PLXNA4: variants seen among roughly 807,000 people sequenced by gnomAD.
The protein encoded by PLXNA4 is plexin A4.
A neutral mutation model predicts 191.8 loss-of-function variants in PLXNA4; 44 were observed. That is an observed-to-expected ratio of 0.23 (90% CI 0.18 to 0.29). The LOEUF is 0.29. PLXNA4 is among the 10% of genes least tolerant of loss of function. The pLI is 1.00. For synonymous variants in PLXNA4, 1,082 were observed against 1,009.5 expected, an observed-to-expected ratio of 1.07 and a Z score of -1.36; for missense variants, 1,800 against 2,488.8, an observed-to-expected ratio of 0.72 and a Z score of 5.89.
chr7:132,423,511 G>C lies in PLXNA4; in HGVS notation c.1371+65781C>G, dbSNP rs1295747944. Among the ~76,000 whole-genome samples the C allele has an allele frequency of 5.3e-5, 8 of 152,220 alleles. No individual in the cohort carries two copies. The East Asian group carries it at 1.5e-3, about 29-fold the overall frequency. On this transcript the variant is annotated intron_variant, in intron 3 of 31. Transcript: ENST00000321063. ...GAGCAGGAAGTTGCAGAGAGCTGCA[G>C]AGATTTGGGGCCAGAATATCAGTCA...
intron 3 of PLXNA4, among the ~76,000 whole-genome samples, chr7:132,316,305 C>T (rs1200480095): frequency 6.6e-6 from 1 of 152,180 alleles, no homozygotes; most frequent in East Asian, 1.9e-4. Context: ...GGGAACAATA[C>T]ATTTCTTTGC....
chr7:132,470,218 G>A (rs1256346621), intron 3 of PLXNA4, among the ~76,000 whole-genome samples: 2 of 152,202 alleles, frequency 1.3e-5, no homozygotes. Flanking sequence ...AAGAGGGAGA[G>A]CTGACAGTTG....
At chr7:132,243,645 A>G (rs1410037221) in intron 4 of PLXNA4, among the ~76,000 whole-genome samples, 1 of 152,200 alleles carries the variant, frequency 6.6e-6, no homozygotes, top group Admixed American at 6.5e-5. Flanking sequence ...ATTCTGGCTT[A>G]ACATGGAGAT....
In PLXNA4 at chr7:132,455,585, C is replaced by T. The variant is rs551221323; in HGVS notation, c.1371+33707G>A. Among the ~76,000 whole-genome samples the T allele has an allele frequency of 5.9e-5, 9 of 152,304 alleles. No homozygotes were observed. In the East Asian group the frequency reaches 7.7e-4, roughly 13 times the overall value. On this transcript the variant is annotated intron_variant, in intron 3 of 31. Coordinates refer to ENST00000321063, the MANE Select transcript of PLXNA4 (RefSeq NM_020911.2). ...AGTCTTCCTGTCTGTTGGGAGCCCG[C>T]GCAGTATGTTTGCTGAGTGAAAATG...
At chr7:132,600,127 GTTTTC>G (rs1397290036) in intron 2 of PLXNA4, among the ~76,000 whole-genome samples, 2 of 152,098 alleles carry the variant, frequency 1.3e-5, no homozygotes, top group Non-Finnish European at 2.9e-5. Flanking sequence ...TATGCCTATA[GTTTTC>G]TTTTCTTACA....
In PLXNA4 at chr7:132,627,728, T is replaced by C. The variant is rs1803410054; in HGVS notation, c.-87+18200A>G. On this transcript the variant is annotated intron_variant, in intron 2 of 4. Coordinates refer to the PLXNA4 transcript ENST00000378539. Reference sequence around the variant, plus strand: ...GGCACAGTATTTGCTTCTTCCACCATATGAGGACTCAGCAAAAAGGCACCA... The same window carrying C: ...GGCACAGTATTTGCTTCTTCCACCACATGAGGACTCAGCAAAAAGGCACCA... Among the ~76,000 whole-genome samples, 4 of 152,322 alleles carry C rather than the reference T, an allele frequency of 2.6e-5. No individual in the cohort carries two copies. In the South Asian group the frequency reaches 8.3e-4, roughly 32 times the overall value.
In PLXNA4 at chr7:132,451,921, T is replaced by G. The variant is rs1796138269; in HGVS notation, c.1371+37371A>C. Among the ~76,000 whole-genome samples, 3 of 152,236 alleles carry G rather than the reference T, an allele frequency of 2.0e-5. No homozygotes were observed. The South Asian group carries it at 6.2e-4, about 32-fold the overall frequency. On this transcript the variant is annotated intron_variant, in intron 3 of 31. Coordinates refer to ENST00000321063, the MANE Select transcript of PLXNA4 (RefSeq NM_020911.2). ...ATCTTTCTTCAATCAATAAAACTTC[T>G]GCTCCCTTCAGTCTGTCTGGAAGCT...
intron 4 of PLXNA4, among the ~76,000 whole-genome samples, chr7:132,259,750 A>G (rs776704738): frequency 2.4e-4 from 37 of 152,214 alleles, no homozygotes; most frequent in Non-Finnish European, 4.6e-4. Flanking sequence ...CGATGGATAA[A>G]TAAATGGTGT....
At position 132,594,957 on chromosome 7, in the gene PLXNA4, A is replaced by T. The variant is rs139832962; in HGVS notation, c.-87+50971T>A. On this transcript the variant is annotated intron_variant, in intron 2 of 4. Transcript: ENST00000378539. ...TAGATAGATAGATAGATAGATAGAT[A>T]GATAGATAATTGATAGATAATAGAT... is the stretch of plus-strand genomic sequence containing the variant. Among the ~76,000 whole-genome samples, 179 of 115,540 alleles carry T rather than the reference A, an allele frequency of 1.5e-3. 1 individual carries two copies. The highest frequency in any genetic ancestry group is 4.8e-3 in the Middle Eastern group (1 of 210). The allele number at this position is 115,540 out of a possible 152,430, so 75.8% of individuals were successfully genotyped here. A position where few individuals can be genotyped will look rare whatever the true frequency, so the allele number is the denominator to read the frequency against.
chr7:132,176,829 A>T (rs6973661), intron 20 of PLXNA4, among the ~76,000 whole-genome samples: 2,624 of 151,178 alleles, frequency 0.017, 67 homozygotes, highest in African/African-American at 0.061. Context: ...TGTGTATGCA[A>T]GTACGAATGT....
At chr7:132,604,056 C>T (rs1261809100) in intron 2 of PLXNA4, among the ~76,000 whole-genome samples, 1 of 152,132 alleles carries the variant, frequency 6.6e-6, no homozygotes, top group Non-Finnish European at 1.5e-5. Flanking sequence ...CCAGCTGTGC[C>T]CACCACTGTC....
At chr7:132,202,907 G>A (rs2116864502) in intron 11 of PLXNA4, 71 bp from the exon 12 acceptor site, 8 of 1,404,998 alleles carry the variant, frequency 5.7e-6, no homozygotes, top group South Asian at 1.5e-5. Context: ...CCCAGAGAGA[G>A]ACAAAGAGTG....
chr7:132,466,533 C>T (rs1461197646), intron 3 of PLXNA4, among the ~76,000 whole-genome samples: 3 of 152,224 alleles, frequency 2.0e-5, no homozygotes, highest in Non-Finnish European at 2.9e-5. Flanking sequence ...ACTTGGTAAG[C>T]CTGCAGTCAG....
At chr7:132,395,501 C>A (rs1793720447) in intron 3 of PLXNA4, among the ~76,000 whole-genome samples, 1 of 152,208 alleles carries the variant, frequency 6.6e-6, no homozygotes, top group Non-Finnish European at 1.5e-5. Context: ...GGCACAAAGT[C>A]CTATTTGAAG....
chr7:132,493,271 A>G (rs1297232638), intron 2 of PLXNA4, among the ~76,000 whole-genome samples: 4 of 152,200 alleles, frequency 2.6e-5, no homozygotes, highest in African/African-American at 9.6e-5. Flanking sequence ...CTCTGCTATT[A>G]TCAGGAGCCC....
chr7:132,642,859 T>C (rs188640461), intron 2 of PLXNA4, among the ~76,000 whole-genome samples: 1 of 152,328 alleles, frequency 6.6e-6, no homozygotes, highest in East Asian at 1.9e-4. Context: ...AATTAAGTGC[T>C]AGATGCAAAA....
At chr7:132,555,289 TGACAGA>T (rs1800754776) in intron 1 of PLXNA4, among the ~76,000 whole-genome samples, 1 of 152,230 alleles carries the variant, frequency 6.6e-6, no homozygotes. Context: ...GGTCATACTC[TGACAGA>T]GAGCCAGAAT....
intron 16 of PLXNA4, among the ~76,000 whole-genome samples, chr7:132,183,258 G>T (rs1796770560): frequency 6.6e-6 from 1 of 152,134 alleles, no homozygotes; most frequent in Non-Finnish European, 1.5e-5. Context: ...GTGAAACTCG[G>T]AGAGGCTCTT....
rs188835803 is a variant in PLXNA4 at position 132,334,447 on chromosome 7, G to A, written c.1372-36225C>T. On this transcript the variant is annotated intron_variant, in intron 3 of 31. Coordinates refer to ENST00000321063, the MANE Select transcript of PLXNA4 (RefSeq NM_020911.2). ...TAATTTTTTTATTTTTTGTAGAGAC[G>A]GTGTCTCACTATGTTGCCCAGGCTG... Among the ~76,000 whole-genome samples the A allele has an allele frequency of 1.5e-3, 229 of 151,134 alleles. 2 individuals carry two copies. Among genetic ancestry groups the A allele is most frequent in the African/African-American group, 4.7e-3 (194 of 41,158 alleles).
Sources: allele counts gnomAD v4.1 joint callset (sites outside exome capture counted in the v4.1 genomes callset), GRCh38; gene constraint gnomAD v4.1.1; transcripts MANE v1.5; gene names NCBI Gene and HGNC (gene_info 2026-07-23, HGNC 2026-07-21).